EIF2B1: variants seen among roughly 807,000 people sequenced by gnomAD.
The protein encoded by EIF2B1 is eukaryotic translation initiation factor 2B subunit alpha.
A neutral mutation model predicts 36.8 loss-of-function variants in EIF2B1; 30 were observed. The ratio of observed to expected loss-of-function variants is 0.81; its 90% CI spans 0.61 to 1.10. The LOEUF is 1.10. Among genes scored for constraint, EIF2B1 ranks in the 50% least tolerant of loss-of-function variants. The pLI, the probability that EIF2B1 is intolerant of heterozygous loss-of-function variation, is 0.00. For synonymous variants in EIF2B1, 139 were observed against 142.2 expected, an observed-to-expected ratio of 0.98 and a Z score of 0.16; for missense variants, 271 against 374.8, an observed-to-expected ratio of 0.72 and a Z score of 2.29.
At chr12:123,629,915 CTA>C (rs1224799033) in intron 4 of EIF2B1, 1 of 569,646 alleles carries the variant, frequency 1.8e-6, no homozygotes, top group African/African-American at 1.9e-5. Context: ...GCAGCACTTA[CTA>C]AGTGCCAGGC....
intron 4 of EIF2B1, 121 bp from the exon 5 acceptor site, chr12:123,627,277 C>G: frequency 1.2e-6 from 1 of 830,314 alleles, no homozygotes; most frequent in South Asian, 1.4e-5. Flanking sequence ...ACAAATCAAC[C>G]ACAACCAGAA....
intron 6 of EIF2B1, chr12:123,626,093 A>G (rs1955146400): frequency 8.9e-6 from 3 of 336,494 alleles, no homozygotes; most frequent in Non-Finnish European, 1.7e-5. Context: ...AGATCATGCC[A>G]TTGCACTCCA....
chr12:123,620,581 TATATATA>T lies in EIF2B1; in HGVS notation c.*1168_*1174del, dbSNP rs1309929739. ...GTCACATATAGACATATGTACATATTATATATATATATATATATATATATATATATAT... is the reference window on the plus strand; with the variant it reads ...GTCACATATAGACATATGTACATATTTATATATATATATATATATATATAT... On this transcript the variant is annotated 3_prime_UTR_variant, in exon 9 of 9. Coordinates refer to ENST00000424014, the MANE Select transcript of EIF2B1 (RefSeq NM_001414.4). 1.1e-4 allele frequency: 1 copy of T among 8,940 alleles called. No homozygotes were observed. The highest frequency in any genetic ancestry group is 3.9e-3 in the East Asian group (1 of 254). The allele number at this position is 8,940 out of a possible 1,614,324, so 0.6% of individuals were successfully genotyped here.
Position 123,621,895 on chromosome 12 carries a change from G to A in EIF2B1, c.779C>T (p.Ala260Val), listed in dbSNP as rs1245638011. The change falls in exon 9 of 9, where the codon GCG becomes GTG. Residue 260 changes from alanine (A) to valine (V), a missense_variant. Ala to Val is a moderately conservative substitution (Grantham distance 64, BLOSUM62 0). Transcript: ENST00000424014. ...CTCTTTGAGGTCTTGTCCAGTCTGC[G>A]CGACCTTGAGAGTGTCTGCCTTATA... ...FKYKADTLKVAQTGQDLKEEH... is the reference protein window; with the variant it reads ...FKYKADTLKVVQTGQDLKEEH... The A allele has an allele frequency of 1.7e-5, 27 of 1,613,930 alleles. No homozygotes were observed. Among genetic ancestry groups the A allele is most frequent in the Middle Eastern group, 1.7e-4 (1 of 5,982 alleles).
Position 123,633,599 on chromosome 12 carries a change from C to A in EIF2B1, c.-42G>T. 2 of 1,604,510 alleles carry A rather than the reference C, an allele frequency of 1.2e-6. No individual in the cohort carries two copies. The highest frequency in any genetic ancestry group is 1.7e-6 in the Non-Finnish European group (2 of 1,179,842). On this transcript the variant is annotated 5_prime_UTR_variant, in exon 1 of 9. Coordinates refer to ENST00000424014, the MANE Select transcript of EIF2B1 (RefSeq NM_001414.4). ...GGAGCCCCAGGGGACCCGAGCCGCCCGCGCTGTCTCGAACGGGTCCGCCGG... is the reference window on the plus strand; with the variant it reads ...GGAGCCCCAGGGGACCCGAGCCGCCAGCGCTGTCTCGAACGGGTCCGCCGG...
At position 123,630,191 on chromosome 12, in the gene EIF2B1, T is replaced by A; in HGVS notation, c.347A>T (p.His116Leu). The stretch of plus-strand genomic sequence containing the variant: ...CACCGCTCCATCTTTGATGAAAGTA[T>A]GGCACAGATCTGCAATTTTGTTTCT... ...LSRNKIADLC[H>L]TFIKDGATIL... The change falls in exon 4 of 9, where the codon CAT (histidine) becomes CTT (leucine). Residue 116 changes from histidine to leucine, a missense_variant. Coordinates refer to ENST00000424014, the MANE Select transcript of EIF2B1 (RefSeq NM_001414.4). This position sits in a 1 kb window ranked among gnomAD's most constrained non-coding sequence, Gnocchi z 4.6. The A allele has an allele frequency of 6.2e-7, 1 of 1,614,018 alleles. No individual in the cohort carries two copies. The highest frequency in any genetic ancestry group is 8.5e-7 in the Non-Finnish European group (1 of 1,180,016).
intron 2 of EIF2B1, among the ~76,000 whole-genome samples, chr12:123,631,435 G>A (rs1316027603): frequency 1.3e-5 from 2 of 152,298 alleles, no homozygotes; most frequent in African/African-American, 4.8e-5. Context: ...CACTTTGGGA[G>A]GGCGAGGCGG....
At position 123,624,819 on chromosome 12, in the gene EIF2B1, C is replaced by T; in HGVS notation, c.595G>A (p.Gly199Arg). 5 of 1,614,012 alleles carry T rather than the reference C, an allele frequency of 3.1e-6. No individual in the cohort carries two copies. The highest frequency in any genetic ancestry group is 4.2e-6 in the Non-Finnish European group (5 of 1,179,954). Residue 199 changes from glycine to arginine, a missense_variant, in exon 7 of 9, where the codon GGA (glycine) becomes AGA (arginine). Coordinates refer to ENST00000424014, the MANE Select transcript of EIF2B1 (RefSeq NM_001414.4). ...KADLVIVGAE[G>R]VVENGGIINK... is the part of the protein sequence containing the mutation. ...ATAATTCCTCCGTTTTCAACAACTCCTTCAGCACCAACTATGACAAGATCT... is the reference window on the plus strand; with the variant it reads ...ATAATTCCTCCGTTTTCAACAACTCTTTCAGCACCAACTATGACAAGATCT...
At chr12:123,632,869 C>T (rs1205933247) in intron 1 of EIF2B1, among the ~76,000 whole-genome samples, 2 of 148,706 alleles carry the variant, frequency 1.3e-5, no homozygotes, top group South Asian at 2.2e-4. Flanking sequence ...TGGCGTGAAC[C>T]CGGGAGGCGG....
chr12:123,624,132 T>G (rs1356354335), intron 7 of EIF2B1, among the ~76,000 whole-genome samples: 3 of 149,586 alleles, frequency 2.0e-5, no homozygotes, highest in Non-Finnish European at 4.4e-5. Flanking sequence ...AAAATATTTG[T>G]GTATATATAT....
Position 123,630,428 on chromosome 12 carries a change from C to T in EIF2B1, c.221G>A (p.Arg74His), listed in dbSNP as rs1955179290. ...TTCCAGGGAGGCAAGACTGATGAAG[C>T]GGAGGAAGAGCTCCCCGCCAGAGGA... Reference protein sequence around the residue: ...AVSSGGELFLRFISLASLEYS... With the variant: ...AVSSGGELFLHFISLASLEYS... The change falls in exon 3 of 9, where the codon CGC becomes CAC. Residue 74 changes from arginine (R) to histidine (H), a missense_variant. Coordinates refer to ENST00000424014, the MANE Select transcript of EIF2B1 (RefSeq NM_001414.4). The surrounding 1 kb of genome is among the most constrained non-coding windows in gnomAD (Gnocchi z 4.6). The T allele has an allele frequency of 1.2e-6, 2 of 1,614,082 alleles. No individual in the cohort carries two copies. The highest frequency in any genetic ancestry group is 2.2e-5 in the East Asian group (1 of 44,878).
At chr12:123,626,559 T>G in intron 5 of EIF2B1, 66 bp from the exon 6 acceptor site, 1 of 1,562,848 alleles carries the variant, frequency 6.4e-7, no homozygotes, top group South Asian at 1.1e-5. Context: ...GTATGTCACC[T>G]AATGTGGACA....
At chr12:123,623,225 CA>C (rs1462093038) in intron 7 of EIF2B1, among the ~76,000 whole-genome samples, 1 of 151,510 alleles carries the variant, frequency 6.6e-6, no homozygotes, top group Admixed American at 6.6e-5. Flanking sequence ...ACTAAAAATA[CA>C]AAAAATTAGC....
In EIF2B1 at chr12:123,627,076, T is replaced by C. The variant is rs149510594; in HGVS notation, c.450A>G (p.Val150=). The C allele has an allele frequency of 4.3e-6, 7 of 1,614,104 alleles. No individual in the cohort carries two copies. The African/African-American group carries it at 6.7e-5, about 15-fold the overall frequency. Residue 150 remains valine, a synonymous_variant, in exon 5 of 9, where the codon GTA becomes GTG. Coordinates refer to ENST00000424014, the MANE Select transcript of EIF2B1 (RefSeq NM_001414.4). ...AATCAGGCTGTGACTCTGTGACGTA[T>C]ACACTAAATCGCTTCTTGGCCGCCA... ...AAVAAKKRFS[V]YVTESQPDLS...
In EIF2B1 at chr12:123,622,427, C is replaced by T. The variant is rs1467732503; in HGVS notation, c.753+209G>A. Among the ~76,000 whole-genome samples the T allele has an allele frequency of 3.9e-5, 6 of 152,318 alleles. No individual in the cohort carries two copies. In the East Asian group the frequency reaches 1.2e-3, roughly 29 times the overall value. On this transcript the variant is annotated intron_variant, in intron 8 of 8. Coordinates refer to ENST00000424014, the MANE Select transcript of EIF2B1 (RefSeq NM_001414.4). ...ACCCACCAGCTTCGGGCTTCCTCTCCACCCATCTATGGTGCTACTTAAAGA... is the reference window on the plus strand; with the variant it reads ...ACCCACCAGCTTCGGGCTTCCTCTCTACCCATCTATGGTGCTACTTAAAGA...
At position 123,633,668 on chromosome 12, in the gene EIF2B1, C is replaced by G. The variant is rs750114147; in HGVS notation, c.-111G>C. The stretch of plus-strand genomic sequence containing the variant: ...AGTCTGACAGCGCGCTGCACACCTC[C>G]GCACCCCACTTCCGGCGCACTTCCG... On this transcript the variant is annotated 5_prime_UTR_variant, in exon 1 of 9. Transcript: ENST00000424014. The G allele has an allele frequency of 9.8e-6, 15 of 1,533,964 alleles. No individual in the cohort carries two copies. The South Asian group carries it at 1.6e-4, about 16-fold the overall frequency.
At chr12:123,623,167 G>C (rs1444682567) in intron 7 of EIF2B1, among the ~76,000 whole-genome samples, 2 of 152,084 alleles carry the variant, frequency 1.3e-5, no homozygotes, top group Non-Finnish European at 2.9e-5. Flanking sequence ...GATCACCTGA[G>C]GTCAGGAGTT....
chr12:123,628,628 T>G (rs1288589091), intron 4 of EIF2B1, among the ~76,000 whole-genome samples: 1 of 152,160 alleles, frequency 6.6e-6, no homozygotes, highest in Non-Finnish European at 1.5e-5. Flanking sequence ...CTTTCCAAAG[T>G]GCTGGGATTA....
At position 123,621,602 on chromosome 12, in the gene EIF2B1, AG is replaced by A. The variant is rs1955099128; in HGVS notation, c.*153del. On this transcript the variant is annotated 3_prime_UTR_variant, in exon 9 of 9. Coordinates refer to ENST00000424014, the MANE Select transcript of EIF2B1 (RefSeq NM_001414.4). ...TTTTTAGATGGGACTGAAATGAGTA[AG>A]AAAGGTTCTCCAAGATGTATGATTT... 1 of 918,992 alleles carries A rather than the reference AG, an allele frequency of 1.1e-6. No individual in the cohort carries two copies. 56.9% of individuals were successfully genotyped at this position (918,992 alleles called of 1,614,324 possible). A position where few individuals can be genotyped will look rare whatever the true frequency, so the allele number is the denominator to read the frequency against.
Sources: allele counts gnomAD v4.1 joint callset (sites outside exome capture counted in the v4.1 genomes callset), GRCh38; gene constraint gnomAD v4.1.1; non-coding constraint Gnocchi (gnomAD v3.1); transcripts MANE v1.5; gene names NCBI Gene and HGNC (gene_info 2026-07-23, HGNC 2026-07-21).